Variants in HMCES observed in about 807,000 individuals in gnomAD.
HMCES encodes the protein 5-hydroxymethylcytosine binding, ES cell specific, also known as abasic site processing protein HMCES.
Under a neutral mutation model 35.1 loss-of-function variants are expected in HMCES, and 27 were observed. That is an observed-to-expected ratio of 0.77 (90% CI 0.57 to 1.06). The LOEUF (loss-of-function observed/expected upper bound fraction) is 1.06. Among genes scored for constraint, HMCES ranks in the 50% least tolerant of loss-of-function variants. HMCES has a pLI of 0.00. For synonymous variants in HMCES, 130 were observed against 154.7 expected (o/e 0.84, Z 1.18); for missense variants, 391 against 430.4 (o/e 0.91, Z 0.81).
At chr3:129,300,111 T>G (rs1287041331) in intron 5 of HMCES, among the ~76,000 whole-genome samples, 3 of 151,248 alleles carry the variant, frequency 2.0e-5, no homozygotes, top group Admixed American at 1.3e-4. Flanking sequence ...ATGCATTGCC[T>G]ACCATGTTTT....
intron 4 of HMCES, among the ~76,000 whole-genome samples, chr3:129,292,536 A>G (rs1394249774): frequency 9.4e-5 from 13 of 138,922 alleles, no homozygotes; most frequent in African/African-American, 3.2e-4. Context: ...TCTGTTGCCC[A>G]GGCTGGAGTG....
At chr3:129,288,404 ATTGTTT>A (rs1222671205) in intron 2 of HMCES, among the ~76,000 whole-genome samples, 2 of 152,180 alleles carry the variant, frequency 1.3e-5, no homozygotes, top group Non-Finnish European at 2.9e-5. Flanking sequence ...AAGTCATTAA[ATTGTTT>A]TTGGCTGGTT....
At chr3:129,298,223 G>A (rs941382982) in intron 4 of HMCES, 131 bp from the exon 5 acceptor site, 2 of 752,252 alleles carry the variant, frequency 2.7e-6, no homozygotes, top group African/African-American at 1.8e-5. Flanking sequence ...TGGTGACAGA[G>A]GGGTTAATAA....
At chr3:129,290,633 C>A in intron 3 of HMCES, 46 bp from the exon 4 acceptor site, 1 of 1,575,074 alleles carries the variant, frequency 6.3e-7, no homozygotes, top group South Asian at 1.1e-5. Flanking sequence ...GCCTGTGAAA[C>A]ATGATTGTAT....
intron 6 of HMCES, among the ~76,000 whole-genome samples, chr3:129,303,635 A>C (rs939716724): frequency 1.3e-5 from 2 of 152,190 alleles, no homozygotes; most frequent in Non-Finnish European, 2.9e-5. Flanking sequence ...GCACTTAAAA[A>C]GTTTAGGATT....
intron 2 of HMCES, among the ~76,000 whole-genome samples, chr3:129,285,350 A>T (rs1940607270): frequency 6.6e-6 from 1 of 152,196 alleles, no homozygotes; most frequent in Admixed American, 6.5e-5. Context: ...TCATTCTTGA[A>T]AATTATCCCA....
chr3:129,282,457 G>T (rs974285531), intron 2 of HMCES, among the ~76,000 whole-genome samples: 1 of 152,158 alleles, frequency 6.6e-6, no homozygotes, highest in African/African-American at 2.4e-5. Flanking sequence ...CTAGAACTGA[G>T]ATCCAGACCA....
chr3:129,282,724 C>A (rs920890788), intron 2 of HMCES, among the ~76,000 whole-genome samples: 2 of 152,176 alleles, frequency 1.3e-5, no homozygotes, highest in African/African-American at 4.8e-5. Context: ...TAACAGCCTG[C>A]ATATGTATAT....
At position 129,302,141 on chromosome 3, in the gene HMCES, A is replaced by T. The variant is rs1485969466; in HGVS notation, c.827A>T (p.Lys276Met). ...GCTCCTGTCGACTTGGTGGTCAAAA[A>T]GGTAGGGGCCTGTGACTGGTACAGT... is the stretch of plus-strand genomic sequence containing the variant. ...CLAPVDLVVK[K>M]ELRASGSSQR... Residue 276 changes from lysine to methionine, a missense_variant and splice_region_variant, in exon 6 of 7, where the codon AAG becomes ATG. Coordinates refer to ENST00000383463, the MANE Select transcript of HMCES (RefSeq NM_020187.3). The T allele has an allele frequency of 1.2e-6, 2 of 1,610,910 alleles. No homozygotes were observed. The highest frequency in any genetic ancestry group is 1.7e-6 in the Non-Finnish European group (2 of 1,178,734).
chr3:129,301,908 C>T lies in HMCES; in HGVS notation c.636-42C>T, dbSNP rs376517601. 3.2e-5 allele frequency: 48 copies of T among 1,509,552 alleles called. No homozygotes were observed. The African/African-American group carries it at 6.1e-4, about 19-fold the overall frequency. 93.5% of individuals were successfully genotyped at this position (1,509,552 alleles called of 1,614,324 possible). The stretch of plus-strand genomic sequence containing the variant: ...TCTCTCTCCCTTCTCTCCTTATTCT[C>T]ATGCTACCTCTCCCAACCATTGTCT... On this transcript the variant is annotated intron_variant, in intron 5 of 6. Transcript: ENST00000383463.
At chr3:129,290,015 G>A (rs572357885) in intron 3 of HMCES, among the ~76,000 whole-genome samples, 10 of 151,684 alleles carry the variant, frequency 6.6e-5, no homozygotes, top group East Asian at 4.0e-4. Flanking sequence ...GTGAAACCCC[G>A]TCTCTACTAA....
intron 2 of HMCES, 59 bp from the exon 3 acceptor site, chr3:129,288,795 T>A (rs1367852872): frequency 8.3e-7 from 1 of 1,207,248 alleles, no homozygotes; most frequent in African/African-American, 1.5e-5. Flanking sequence ...TAAATACATA[T>A]GTTAAATTAG....
chr3:129,298,104 C>T (rs2071115639), intron 4 of HMCES, among the ~76,000 whole-genome samples: 1 of 152,100 alleles, frequency 6.6e-6, no homozygotes, highest in Admixed American at 6.6e-5. Context: ...GAATGGTGGG[C>T]CAGTTCACGG....
intron 5 of HMCES, among the ~76,000 whole-genome samples, chr3:129,300,719 AC>A (rs1233009621): frequency 2.0e-5 from 3 of 151,306 alleles, no homozygotes; most frequent in African/African-American, 7.3e-5. Flanking sequence ...ACACTGTGAA[AC>A]CCCATCTCTA....
Position 129,279,654 on chromosome 3 carries a change from A to G in HMCES, c.-23-56A>G, listed in dbSNP as rs1406522072. ...GAAAGAGAAGGCGGGGACTCAAGGA[A>G]TAAGACCTAATATTTGAGATACGTA... On this transcript the variant is annotated intron_variant, in intron 1 of 6. Coordinates refer to ENST00000383463, the MANE Select transcript of HMCES (RefSeq NM_020187.3). The surrounding 1 kb of genome is among the most constrained non-coding windows in gnomAD (Gnocchi z 4.2). The G allele has an allele frequency of 6.5e-7, 1 of 1,530,264 alleles. No homozygotes were observed. The highest frequency in any genetic ancestry group is 2.3e-5 in the East Asian group (1 of 42,780). 94.8% of individuals were successfully genotyped at this position (1,530,264 alleles called of 1,614,324 possible). A position where few individuals can be genotyped will look rare whatever the true frequency, so the allele number is the denominator to read the frequency against.
At chr3:129,289,573 C>T (rs917583921) in intron 3 of HMCES, among the ~76,000 whole-genome samples, 4 of 151,964 alleles carry the variant, frequency 2.6e-5, no homozygotes, top group Non-Finnish European at 4.4e-5. Context: ...CAAGGTCTGG[C>T]TATGTTGCCC....
In HMCES at chr3:129,304,577, T is replaced by C; in HGVS notation, c.829-12T>C. On this transcript the variant is annotated splice_polypyrimidine_tract_variant and intron_variant, in intron 6 of 6. Transcript: ENST00000383463. ...GAGCTGTATGGTTTGAGCTTTTTCC[T>C]CTTTCTTGTAGGAGCTCAGGGCAAG... is the stretch of plus-strand genomic sequence containing the variant. 6.2e-7 allele frequency: 1 copy of C among 1,611,612 alleles called. No individual in the cohort carries two copies. Among genetic ancestry groups the C allele is most frequent in the Non-Finnish European group, 8.5e-7 (1 of 1,177,880 alleles).
chr3:129,288,758 A>C, intron 2 of HMCES, 96 bp from the exon 3 acceptor site: 2 of 958,328 alleles, frequency 2.1e-6, no homozygotes, highest in Non-Finnish European at 2.9e-6. Context: ...TGAATTCTTT[A>C]TATTTCAATA....
intron 2 of HMCES, among the ~76,000 whole-genome samples, chr3:129,287,999 A>G (rs1011901875): frequency 6.6e-6 from 1 of 152,120 alleles, no homozygotes; most frequent in African/African-American, 2.4e-5. Flanking sequence ...AGAGGTTGCA[A>G]TGAGCCAAGA....
Sources: allele counts gnomAD v4.1 joint callset (sites outside exome capture counted in the v4.1 genomes callset), GRCh38; gene constraint gnomAD v4.1.1; non-coding constraint Gnocchi (gnomAD v3.1); transcripts MANE v1.5; gene names NCBI Gene and HGNC (gene_info 2026-07-23, HGNC 2026-07-21).